GPRASP1: variants seen among roughly 807,000 people sequenced by gnomAD.
GPRASP1 encodes the protein G protein-coupled receptor-associated sorting protein 1.
GPRASP1 carries 28 observed loss-of-function variants against 68.4 expected under a neutral mutation model. The ratio of observed to expected loss-of-function variants is 0.41; its 90% CI spans 0.30 to 0.56. The LOEUF (loss-of-function observed/expected upper bound fraction) is 0.56. GPRASP1 is among the 20% of genes least tolerant of loss of function. The probability of loss-of-function intolerance (pLI) is 0.29; values close to 1 mark genes in which losing one functional copy is unlikely to be tolerated. For missense variants in GPRASP1, 913 were observed against 1,031.5 expected, an observed-to-expected ratio of 0.89 and a Z score of 1.57; for synonymous variants, 304 against 358.2, an observed-to-expected ratio of 0.85 and a Z score of 1.71.
Position 102,656,834 on chromosome X carries a change from A to G in GPRASP1, c.2921A>G (p.Glu974Gly). The change falls in exon 6 of 6, where the codon GAG becomes GGG. Residue 974 changes from glutamate (E) to glycine (G), a missense_variant. Coordinates refer to ENST00000537097, the MANE Select transcript of GPRASP1 (RefSeq NM_001184727.2). ...EEGAIVGSWF[E>G]AEDEVDNRTD... ...GGGGCCATTGTTGGGTCTTGGTTTG[A>G]GGCTGAAGATGAGGTAGATAACAGG... is the stretch of plus-strand genomic sequence containing the variant. 8.3e-7 allele frequency: 1 copy of G among 1,211,238 alleles called. No individual in the cohort carries two copies. The highest frequency in any genetic ancestry group is 1.1e-6 in the Non-Finnish European group (1 of 895,239).
rs190122142 is a variant in GPRASP1, at chrX:102,653,049, G to A, written c.-413+151G>A. On this transcript the variant is annotated intron_variant, in intron 4 of 5. Coordinates refer to ENST00000537097, the MANE Select transcript of GPRASP1 (RefSeq NM_001184727.2). ...TTTTTATTTCTTGCAGGGGACATGA[G>A]ATAGGTGTAGGTTGTGTTGTGACTC... 4 of 111,999 alleles carry A rather than the reference G, an allele frequency of 3.6e-5. No individual in the cohort carries two copies. In the East Asian group the frequency reaches 1.1e-3, roughly 32 times the overall value. The allele number at this position is 111,999 out of a possible 1,213,427, so 9.2% of individuals were successfully genotyped here. A position where few individuals can be genotyped will look rare whatever the true frequency, so the allele number is the denominator to read the frequency against.
At position 102,654,372 on chromosome X, in the gene GPRASP1, G is replaced by C; in HGVS notation, c.459G>C (p.Lys153Asn). Residue 153 changes from lysine (K) to asparagine (N), a missense_variant, in exon 6 of 6, where the codon AAG becomes AAC. Transcript: ENST00000537097. The stretch of plus-strand genomic sequence containing the variant: ...ACACTGAGAGCTTTCCTAGAAGGAA[G>C]GCCCATTACCAAGCAGGATTCCAGC... ...NTDTESFPRR[K>N]AHYQAGFQPS... 1.7e-6 allele frequency: 2 copies of C among 1,209,585 alleles called. No homozygotes were observed. The highest frequency in any genetic ancestry group is 1.7e-5 in the African/African-American group (1 of 57,830).
chrX:102,657,898 GA>G lies in GPRASP1; in HGVS notation c.3987del (p.Glu1330ArgfsTer70), dbSNP rs749461751. The part of the protein sequence containing the change: ...VSEFIGLFNR[E>X]ETNDNIQIVL... ...AGAATTTATAGGCCTCTTTAACAGG[GA>G]AGAGACAAATGACAATATTCAAATT... On this transcript the variant is annotated frameshift_variant, in exon 6 of 6. Transcript: ENST00000537097. LOFTEE classifies it high-confidence loss of function. The G allele has an allele frequency of 1.3e-5, 15 of 1,188,820 alleles. No individual in the cohort carries two copies. The highest frequency in any genetic ancestry group is 1.7e-5 in the Non-Finnish European group (15 of 876,724).
chrX:102,659,043 A>T lies in GPRASP1; in HGVS notation c.*942A>T, dbSNP rs949973225. The T allele has an allele frequency of 2.8e-4, 34 of 123,184 alleles. No homozygotes were observed. Among genetic ancestry groups the T allele is most frequent in the African/African-American group, 1.1e-3 (33 of 30,817 alleles). 10.2% of individuals were successfully genotyped at this position (123,184 alleles called of 1,213,427 possible). A position where few individuals can be genotyped will look rare whatever the true frequency, so the allele number is the denominator to read the frequency against. Reference sequence around the variant, plus strand: ...AACACTGGTGTCATACATGGGAAGTATGATCCCATTTGAAAAATAAATGTG... The same window carrying T: ...AACACTGGTGTCATACATGGGAAGTTTGATCCCATTTGAAAAATAAATGTG... On this transcript the variant is annotated 3_prime_UTR_variant, in exon 6 of 6. Coordinates refer to ENST00000537097, the MANE Select transcript of GPRASP1 (RefSeq NM_001184727.2).
chrX:102,657,929 T>G lies in GPRASP1; in HGVS notation c.4016T>G (p.Leu1339Arg). The change falls in exon 6 of 6, where the codon CTT becomes CGT. Residue 1339 changes from leucine (L) to arginine (R), a missense_variant. Coordinates refer to ENST00000537097, the MANE Select transcript of GPRASP1 (RefSeq NM_001184727.2). Reference protein sequence around the residue: ...EETNDNIQIVLAIFENIGNNI... With the variant: ...EETNDNIQIVRAIFENIGNNI... ...ACAAATGACAATATTCAAATTGTTC[T>G]TGCAATATTTGAGAATATTGGCAAC... The G allele has an allele frequency of 8.4e-7, 1 of 1,195,150 alleles. No homozygotes were observed. Among genetic ancestry groups the G allele is most frequent in the Non-Finnish European group, 1.1e-6 (1 of 881,216 alleles).
Position 102,657,111 on chromosome X carries a change from C to A in GPRASP1, c.3198C>A (p.Ser1066Arg). ...PWGRVGFPSISPFRFPKEAAS... is the reference protein window; with the variant it reads ...PWGRVGFPSIRPFRFPKEAAS... ...GTAGGGTCGGCTTCCCATCTATAAG[C>A]CCCTTTAGATTTCCGAAAGAGGCAG... The change falls in exon 6 of 6, where the codon AGC becomes AGA. Residue 1066 changes from serine to arginine, a missense_variant. By Grantham distance (110) the Ser-to-Arg change is moderately radical. Transcript: ENST00000537097. 8.3e-7 allele frequency: 1 copy of A among 1,209,995 alleles called. No homozygotes were observed. The highest frequency in any genetic ancestry group is 1.7e-5 in the African/African-American group (1 of 57,731).
chrX:102,656,576 A>C lies in GPRASP1; in HGVS notation c.2663A>C (p.Gln888Pro), dbSNP rs371631603. Residue 888 changes from glutamine to proline, a missense_variant, in exon 6 of 6, where the codon CAG becomes CCG. By Grantham distance (76) the Gln-to-Pro change is moderately conservative. Transcript: ENST00000537097. The stretch of plus-strand genomic sequence containing the variant: ...TGGCCTGAAGAAGAAGCCAGTATAC[A>C]GGCTGGATCTCAGGCAGTAGAGGAA... Reference protein sequence around the residue: ...WFWPEEEASIQAGSQAVEEME... With the variant: ...WFWPEEEASIPAGSQAVEEME... 214 of 1,208,046 alleles carry C rather than the reference A, an allele frequency of 1.8e-4. No homozygotes were observed. Among genetic ancestry groups the C allele is most frequent in the Non-Finnish European group, 2.3e-4 (206 of 893,993 alleles).
rs780188879 is a variant in GPRASP1 at position 102,656,249 on chromosome X, T to C, written c.2336T>C (p.Ile779Thr). 2.5e-6 allele frequency: 3 copies of C among 1,210,446 alleles called. No homozygotes were observed. The highest frequency in any genetic ancestry group is 3.4e-6 in the Non-Finnish European group (3 of 895,041). ...SRPEAEEGDI[I>T]GSWFWAGEED... ...CCAGAAGCTGAGGAGGGGGACATTA[T>C]TGGTTCTTGGTTCTGGGCTGGAGAA... Residue 779 changes from isoleucine (I) to threonine (T), a missense_variant, in exon 6 of 6, where the codon ATT becomes ACT. Coordinates refer to ENST00000537097, the MANE Select transcript of GPRASP1 (RefSeq NM_001184727.2).
In GPRASP1 at chrX:102,654,133, G is replaced by T. The variant is rs201819904; in HGVS notation, c.220G>T (p.Ala74Ser). 1 of 1,210,416 alleles carries T rather than the reference G, an allele frequency of 8.3e-7. No individual in the cohort carries two copies. The highest frequency in any genetic ancestry group is 3.0e-5 in the East Asian group (1 of 33,785). ...AGTTGAGACAAGTGCAGTGGGTGGGGCACGCCCTAAGAGTAAGGCCAAGGC... is the reference window on the plus strand; with the variant it reads ...AGTTGAGACAAGTGCAGTGGGTGGGTCACGCCCTAAGAGTAAGGCCAAGGC... ...TKVETSAVGG[A>S]RPKSKAKAIP... Residue 74 changes from alanine to serine, a missense_variant, in exon 6 of 6, where the codon GCA becomes TCA. By Grantham distance (99) the Ala-to-Ser change is moderately conservative (BLOSUM62 1). Transcript: ENST00000537097.
chrX:102,654,139 C>T lies in GPRASP1; in HGVS notation c.226C>T (p.Pro76Ser), dbSNP rs2081383085. ...VETSAVGGARPKSKAKAIPVS... is the reference protein window; with the variant it reads ...VETSAVGGARSKSKAKAIPVS... ...GACAAGTGCAGTGGGTGGGGCACGC[C>T]CTAAGAGTAAGGCCAAGGCAATACC... Residue 76 changes from proline (P) to serine (S), a missense_variant, in exon 6 of 6, where the codon CCT becomes TCT. Physicochemically the swap from Pro to Ser is moderately conservative, Grantham distance 74. Transcript: ENST00000537097. 1 of 1,210,607 alleles carries T rather than the reference C, an allele frequency of 8.3e-7. No individual in the cohort carries two copies.
Position 102,658,239 on chromosome X carries a change from G to A in GPRASP1, c.*138G>A, listed in dbSNP as rs1210798547. ...ACACTAACTTTGTCCAACTCTGTCT[G>A]TAAGCTGGAGCATTTTTCTGATGCC... On this transcript the variant is annotated 3_prime_UTR_variant, in exon 6 of 6. Transcript: ENST00000537097. 2.5e-6 allele frequency: 1 copy of A among 403,229 alleles called. No individual in the cohort carries two copies. The highest frequency in any genetic ancestry group is 2.5e-5 in the African/African-American group (1 of 39,925). 33.2% of individuals were successfully genotyped at this position (403,229 alleles called of 1,213,427 possible). A position where few individuals can be genotyped will look rare whatever the true frequency, so the allele number is the denominator to read the frequency against.
In GPRASP1 at chrX:102,653,958, A is replaced by G; in HGVS notation, c.45A>G (p.Glu15=). The G allele has an allele frequency of 8.3e-7, 1 of 1,211,591 alleles. No individual in the cohort carries two copies. The highest frequency in any genetic ancestry group is 1.1e-6 in the Non-Finnish European group (1 of 895,277). ...EIESGAQVKP[E]KKPGEEVVGG... is the part of the protein sequence containing the mutation. ...AGTCTGGTGCCCAGGTCAAGCCTGAAAAGAAGCCTGGGGAAGAGGTTGTAG... is the reference window on the plus strand; with the variant it reads ...AGTCTGGTGCCCAGGTCAAGCCTGAGAAGAAGCCTGGGGAAGAGGTTGTAG... The change falls in exon 6 of 6, where the codon GAA becomes GAG. Residue 15 remains glutamate, a synonymous_variant. Coordinates refer to ENST00000537097, the MANE Select transcript of GPRASP1 (RefSeq NM_001184727.2).
rs767836261 is a variant in GPRASP1, at chrX:102,655,920, G to C, written c.2007G>C (p.Glu669Asp). 1 of 1,211,450 alleles carries C rather than the reference G, an allele frequency of 8.3e-7. No homozygotes were observed. The highest frequency in any genetic ancestry group is 1.8e-5 in the South Asian group (1 of 56,997). Reference protein sequence around the residue: ...GVRCRFMAGAEETNNKSCFWA... With the variant: ...GVRCRFMAGADETNNKSCFWA... ...GATGCAGATTTATGGCAGGGGCTGA[G>C]GAGACCAATAATAAGTCTTGCTTCT... Residue 669 changes from glutamate to aspartate, a missense_variant, in exon 6 of 6, where the codon GAG becomes GAC. Transcript: ENST00000537097.
Position 102,656,868 on chromosome X carries a change from T to C in GPRASP1, c.2955T>C (p.Asn985=). ...ATGAGGTAGATAACAGGACTGACAA[T>C]GGAAGCAACTGTGGGTCCAGGACAT... The part of the protein sequence containing the change: ...AEDEVDNRTD[N]GSNCGSRTLA... The change falls in exon 6 of 6, where the codon AAT becomes AAC. Residue 985 remains asparagine (N), a synonymous_variant. Coordinates refer to ENST00000537097, the MANE Select transcript of GPRASP1 (RefSeq NM_001184727.2). 4 of 1,209,831 alleles carry C rather than the reference T, an allele frequency of 3.3e-6. No individual in the cohort carries two copies. The highest frequency in any genetic ancestry group is 4.5e-6 in the Non-Finnish European group (4 of 894,553).
At position 102,656,652 on chromosome X, in the gene GPRASP1, T is replaced by C; in HGVS notation, c.2739T>C (p.Asp913=). ...EETIFGSWFW[D]GKEVSEEAGP... The stretch of plus-strand genomic sequence containing the variant: ...CCATTTTTGGGTCCTGGTTCTGGGA[T>C]GGAAAAGAAGTCAGTGAAGAAGCAG... Residue 913 remains aspartate, a synonymous_variant, in exon 6 of 6, where the codon GAT becomes GAC. Coordinates refer to ENST00000537097, the MANE Select transcript of GPRASP1 (RefSeq NM_001184727.2). 8.3e-7 allele frequency: 1 copy of C among 1,208,901 alleles called. No homozygotes were observed. Among genetic ancestry groups the C allele is most frequent in the Admixed American group, 2.2e-5 (1 of 45,788 alleles).
chrX:102,658,497 A>T lies in GPRASP1; in HGVS notation c.*396A>T, dbSNP rs1435713740. 3 of 127,972 alleles carry T rather than the reference A, an allele frequency of 2.3e-5. No individual in the cohort carries two copies. The highest frequency in any genetic ancestry group is 5.3e-5 in the Non-Finnish European group (3 of 56,924). The allele number at this position is 127,972 out of a possible 1,213,427, so 10.5% of individuals were successfully genotyped here. On this transcript the variant is annotated 3_prime_UTR_variant, in exon 6 of 6. Coordinates refer to ENST00000537097, the MANE Select transcript of GPRASP1 (RefSeq NM_001184727.2). ...GAAATTAAAATACAGACCCAATGATAACACATGAACACACATAGAGATAAT... is the reference window on the plus strand; with the variant it reads ...GAAATTAAAATACAGACCCAATGATTACACATGAACACACATAGAGATAAT...
Position 102,655,239 on chromosome X carries a change from A to G in GPRASP1, c.1326A>G (p.Glu442=), listed in dbSNP as rs767812321. 2.5e-6 allele frequency: 3 copies of G among 1,211,596 alleles called. No homozygotes were observed. The Admixed American group carries it at 6.5e-5, about 26-fold the overall frequency. ...ESIIGSWFWT[E]EEASMGTGAS... is the part of the protein sequence containing the mutation. Reference sequence around the variant, plus strand: ...TAATTGGGAGTTGGTTCTGGACTGAAGAAGAGGCCAGTATGGGGACTGGGG... The same window carrying G: ...TAATTGGGAGTTGGTTCTGGACTGAGGAAGAGGCCAGTATGGGGACTGGGG... Residue 442 remains glutamate, a synonymous_variant, in exon 6 of 6, where the codon GAA becomes GAG. Transcript: ENST00000537097.
rs12687059 is a variant in GPRASP1, at chrX:102,658,597, T to C, written c.*496T>C. The stretch of plus-strand genomic sequence containing the variant: ...ACGCAAAAATTACCAGGGGCTGCTA[T>C]GTAGGGCATACTTCAGAGAAAAAGT... On this transcript the variant is annotated 3_prime_UTR_variant, in exon 6 of 6. Transcript: ENST00000537097. 0.016 allele frequency: 1,903 copies of C among 121,134 alleles called. 100 individuals carry two copies. The East Asian group carries it at 0.17, about 11-fold the overall frequency. 10.0% of individuals were successfully genotyped at this position (121,134 alleles called of 1,213,427 possible).
rs780301326 is a variant in GPRASP1, at chrX:102,651,526, T to G, written c.-688T>G. 2.2e-3 allele frequency: 245 copies of G among 111,282 alleles called. 3 individuals carry two copies. The highest frequency in any genetic ancestry group is 7.9e-3 in the African/African-American group (240 of 30,500). 9.2% of individuals were successfully genotyped at this position (111,282 alleles called of 1,213,427 possible). ...GCTGGGAAAGCGGTGGGAATCCAAC[T>G]GAAGAGCAGCCAGAGGAGAGCTGAA... On this transcript the variant is annotated 5_prime_UTR_variant, in exon 1 of 6. Transcript: ENST00000537097.
Sources: allele counts gnomAD v4.1 joint callset, GRCh38; gene constraint gnomAD v4.1.1; transcripts MANE v1.5; gene names NCBI Gene and HGNC (gene_info 2026-07-23, HGNC 2026-07-21).